CREM: variants seen among roughly 807,000 people sequenced by gnomAD.
The protein encoded by CREM is cAMP-responsive element modulator.
A neutral mutation model predicts 37.3 loss-of-function variants in CREM; 13 were observed. The observed-to-expected ratio is 0.35, with a 90% CI of 0.23 to 0.55. The LOEUF (loss-of-function observed/expected upper bound fraction) is 0.55, where lower values mean the gene tolerates loss of function less well. Ranked by LOEUF, CREM falls within the 20% of genes least tolerant of loss-of-function variation. The pLI is 0.88. For missense variants in CREM, 296 were observed against 362.3 expected (o/e 0.82, Z 1.49); for synonymous variants, 124 against 120.2 (o/e 1.03, Z -0.21).
rs532393759 is a variant in CREM at position 35,187,100 on chromosome 10, G to A, written c.410-1100G>A. Among the ~76,000 whole-genome samples, 535 of 53,736 alleles carry A rather than the reference G, an allele frequency of 1.0e-2. 35 individuals are homozygous for A. The South Asian group carries it at 0.16, about 16-fold the overall frequency. The allele number at this position is 53,736 out of a possible 152,430, so 35.3% of individuals were successfully genotyped here. Reference sequence around the variant, plus strand: ...AATATATATAATATATAATATATATGATATATATTATATAAATATATAAAT... The same window carrying A: ...AATATATATAATATATAATATATATAATATATATTATATAAATATATAAAT... On this transcript the variant is annotated intron_variant, in intron 5 of 7. Transcript: ENST00000685392.
intron 7 of CREM, 80 bp from the exon 8 acceptor site, chr10:35,211,174 G>C: frequency 6.7e-7 from 1 of 1,498,098 alleles, no homozygotes; most frequent in South Asian, 1.3e-5. Flanking sequence ...TGTTGAGTTC[G>C]GGGGGCAGAA....
chr10:35,204,039 A>G (rs934331263), intron 6 of CREM, among the ~76,000 whole-genome samples: 9 of 152,212 alleles, frequency 5.9e-5, no homozygotes, highest in Non-Finnish European at 8.8e-5. Flanking sequence ...TTATTACCCC[A>G]TAACCTTCTT....
chr10:35,182,118 G>C (rs2133285827), intron 5 of CREM, among the ~76,000 whole-genome samples: 1 of 152,282 alleles, frequency 6.6e-6, no homozygotes, highest in African/African-American at 2.4e-5. Context: ...ATAATTCTTT[G>C]AGAAGTGAAT....
At chr10:35,171,501 A>G (rs2093819929) in intron 3 of CREM, among the ~76,000 whole-genome samples, 1 of 152,176 alleles carries the variant, frequency 6.6e-6, no homozygotes, top group Non-Finnish European at 1.5e-5. Flanking sequence ...TAAAATTCTG[A>G]TAATTGTACT....
At chr10:35,152,178 CAG>C (rs960259662) in intron 3 of CREM, 3 of 152,342 alleles carry the variant, frequency 2.0e-5, no homozygotes, top group Admixed American at 2.0e-4. Context: ...TATCAGTAAA[CAG>C]TGTGGGAACA....
chr10:35,164,747 G>A (rs1254101295), intron 3 of CREM, among the ~76,000 whole-genome samples: 1 of 152,162 alleles, frequency 6.6e-6, no homozygotes, highest in Non-Finnish European at 1.5e-5. Flanking sequence ...AGTCTGCTTT[G>A]CATTGCTATA....
At chr10:35,140,040 A>G (rs1049702956) in intron 2 of CREM, among the ~76,000 whole-genome samples, 2 of 152,216 alleles carry the variant, frequency 1.3e-5, no homozygotes, top group African/African-American at 4.8e-5. Context: ...ACTGGAGGGC[A>G]TAAATCTGCA....
chr10:35,148,640 T>A, intron 3 of CREM, 149 bp downstream of exon 3: 1 of 853,868 alleles, frequency 1.2e-6, no homozygotes, highest in Non-Finnish European at 1.7e-6. Flanking sequence ...AAAAGATACG[T>A]GTTGTAATTA....
chr10:35,171,951 C>T lies in CREM; in HGVS notation c.169-6938C>T, dbSNP rs34415380. 6.2e-4 allele frequency among the ~76,000 whole-genome samples: 95 copies of T among 152,290 alleles called. 1 individual carries two copies. The highest frequency in any genetic ancestry group is 1.2e-3 in the Non-Finnish European group (80 of 68,034). ...GAGGAAAATCAAGTCACTCTACCCT[C>T]CTTACTTACCTGTGGCTTGTCCCTA... On this transcript the variant is annotated intron_variant, in intron 3 of 7. Coordinates refer to ENST00000685392, the MANE Select transcript of CREM (RefSeq NM_183011.2).
intron 7 of CREM, among the ~76,000 whole-genome samples, chr10:35,208,710 T>C (rs575558649): frequency 2.0e-5 from 3 of 152,288 alleles, no homozygotes; most frequent in South Asian, 2.1e-4. Flanking sequence ...AGCCAAAAAT[T>C]GGGGCTAGCT....
intron 6 of CREM, chr10:35,201,547 GT>G: frequency 1.3e-6 from 2 of 1,548,854 alleles, no homozygotes; most frequent in Non-Finnish European, 1.7e-6. Context: ...CTGCTGTACC[GT>G]GTTTAAAGCT....
chr10:35,193,615 T>C (rs760088420), intron 6 of CREM, among the ~76,000 whole-genome samples: 1 of 152,018 alleles, frequency 6.6e-6, no homozygotes, highest in Non-Finnish European at 1.5e-5. Context: ...TTCAGCTGAA[T>C]TGAAACCCTA....
At chr10:35,209,194 G>A (rs2095608873) in intron 7 of CREM, 1 of 524,932 alleles carries the variant, frequency 1.9e-6, no homozygotes, top group Non-Finnish European at 2.4e-6. Context: ...TGAGGCTTTA[G>A]TCATTCACAG....
rs140727082 is a variant in CREM, at chr10:35,168,528, T to C, written c.169-10361T>C. On this transcript the variant is annotated intron_variant, in intron 3 of 7. Transcript: ENST00000685392. Reference sequence around the variant, plus strand: ...TTGTCAGATGAGTAGATTGCAAAAATTTTTTCCCATTCTGTAGGTTGCCTC... The same window carrying C: ...TTGTCAGATGAGTAGATTGCAAAAACTTTTTCCCATTCTGTAGGTTGCCTC... 7.0e-3 allele frequency among the ~76,000 whole-genome samples: 1,069 copies of C among 152,230 alleles called. 17 individuals are homozygous for C. Among genetic ancestry groups the C allele is most frequent in the African/African-American group, 0.024 (1,005 of 41,528 alleles).
chr10:35,184,991 CT>C (rs1171237174), intron 5 of CREM, among the ~76,000 whole-genome samples: 4 of 151,880 alleles, frequency 2.6e-5, no homozygotes, highest in Non-Finnish European at 5.9e-5. Flanking sequence ...TCACAGGGGG[CT>C]TAAGTTTTTT....
intron 2 of CREM, among the ~76,000 whole-genome samples, chr10:35,145,776 C>CAAAAAAAAAAAAAAAAAA: frequency 1.2e-5 from 1 of 85,236 alleles, no homozygotes; most frequent in Non-Finnish European, 2.0e-5. Context: ...GACTCTGCCT[C>CAAAAAAAAAAAAAAAAAA]AAAAAAAAAA....
chr10:35,202,076 T>C (rs2095400590), intron 6 of CREM, among the ~76,000 whole-genome samples: 1 of 152,222 alleles, frequency 6.6e-6, no homozygotes, highest in African/African-American at 2.4e-5. Context: ...ATAAAGTTAG[T>C]GTACAAATAT....
chr10:35,171,578 A>G (rs72793839), intron 3 of CREM, among the ~76,000 whole-genome samples: 4,146 of 152,212 alleles, frequency 0.027, 76 homozygotes, highest in Non-Finnish European at 0.044. Context: ...TCTTTGTTGA[A>G]TTGTTTTTCT....
chr10:35,144,751 T>TC (rs397694072), intron 2 of CREM, among the ~76,000 whole-genome samples: 9 of 151,980 alleles, frequency 5.9e-5, no homozygotes, highest in Admixed American at 5.9e-4. Flanking sequence ...TTTTTTTTTT[T>TC]GATGGGAGAC....
Sources: gnomAD v4.1 joint callset for allele counts (sites outside exome capture counted in the v4.1 genomes callset) on GRCh38, gnomAD v4.1.1 for gene constraint, MANE v1.5 for transcripts, NCBI Gene and HGNC (gene_info 2026-07-23, HGNC 2026-07-21) for gene names.